Variants in LATS2 observed in about 807,000 individuals in gnomAD.
LATS2 encodes the protein serine/threonine-protein kinase LATS2.
In LATS2, 24 loss-of-function variants were observed where a neutral mutation model predicts 76.0. The ratio of observed to expected loss-of-function variants is 0.32; its 90% CI spans 0.23 to 0.44. The LOEUF is 0.44. LATS2 is among the 20% of genes least tolerant of loss of function. LATS2 has a pLI of 1.00. For missense variants in LATS2, 1,286 were observed against 1,481.2 expected, an observed-to-expected ratio of 0.87 and a Z score of 2.16; for synonymous variants, 692 against 635.4, an observed-to-expected ratio of 1.09 and a Z score of -1.34.
In LATS2 at chr13:20,983,437, G is replaced by A; in HGVS notation, c.2269C>T (p.Leu757=). 1 of 1,614,096 alleles carries A rather than the reference G, an allele frequency of 6.2e-7. No homozygotes were observed. The highest frequency in any genetic ancestry group is 8.5e-7 in the Non-Finnish European group (1 of 1,180,014). ...TCAGGGAAGACCTCCATCCGGATCA[G>A]CAGGCTCATCATGTCCCCACCAGGG... is the stretch of plus-strand genomic sequence containing the variant. ...YIPGGDMMSL[L]IRMEVFPEHL... Residue 757 remains leucine (L), a synonymous_variant, in exon 5 of 8, where the codon CTG becomes TTG. Transcript: ENST00000382592.
intron 2 of LATS2, among the ~76,000 whole-genome samples, chr13:21,020,828 G>C (rs1872027023): frequency 6.6e-6 from 1 of 152,194 alleles, no homozygotes. Context: ...CTCCATCCCT[G>C]CTGTCATGTG....
Position 21,010,197 on chromosome 13 carries a change from CAAAA to C in LATS2, c.343-18797_343-18794del, listed in dbSNP as rs1402091791. Among the ~76,000 whole-genome samples, 426 of 72,630 alleles carry C rather than the reference CAAAA, an allele frequency of 5.9e-3. 5 individuals carry two copies. The highest frequency in any genetic ancestry group is 0.018 in the African/African-American group (344 of 19,646). The allele number at this position is 72,630 out of a possible 152,430, so 47.6% of individuals were successfully genotyped here. A position where few individuals can be genotyped will look rare whatever the true frequency, so the allele number is the denominator to read the frequency against. On this transcript the variant is annotated intron_variant, in intron 2 of 7. Transcript: ENST00000382592. ...AGTAGGCCATGGAGCTAGACTCTGT[CAAAA>C]AAACAAACAAACAAACAAACAAAAA...
intron 2 of LATS2, among the ~76,000 whole-genome samples, chr13:21,013,023 T>G (rs1402442139): frequency 6.6e-6 from 1 of 152,162 alleles, no homozygotes; most frequent in Admixed American, 6.5e-5. Flanking sequence ...ATGTAATATT[T>G]CCTTCATTCA....
rs546630082 is a variant in LATS2, at chr13:21,024,682, C to T, written c.342+21003G>A. Among the ~76,000 whole-genome samples the T allele has an allele frequency of 8.8e-3, 677 of 77,036 alleles. 5 individuals are homozygous for T. Among genetic ancestry groups the T allele is most frequent in the African/African-American group, 0.032 (649 of 20,392 alleles). 50.5% of individuals were successfully genotyped at this position (77,036 alleles called of 152,430 possible). A position where few individuals can be genotyped will look rare whatever the true frequency, so the allele number is the denominator to read the frequency against. On this transcript the variant is annotated intron_variant, in intron 2 of 7. Transcript: ENST00000382592. The stretch of plus-strand genomic sequence containing the variant: ...ATGTGGAATTTTCCATTGTCTTATA[C>T]CCACATTAAAAAAAAAAAAAAAAGT...
At chr13:21,048,816 A>G (rs528540776) in intron 1 of LATS2, among the ~76,000 whole-genome samples, 1 of 152,224 alleles carries the variant, frequency 6.6e-6, no homozygotes, top group Non-Finnish European at 1.5e-5. Context: ...CAGCCTGGGC[A>G]ACAAGAGCGA....
In LATS2 at chr13:20,991,442, C is replaced by T; in HGVS notation, c.343-38G>A. On this transcript the variant is annotated intron_variant, in intron 2 of 7. Transcript: ENST00000382592. The surrounding 1 kb of genome is among the most constrained non-coding windows in gnomAD (Gnocchi z 4.9). ...TAAAGGAGAGGTAAGTGCATGTCATCCTAAAACAAAGCCACCAAAGACTCC... is the reference window on the plus strand; with the variant it reads ...TAAAGGAGAGGTAAGTGCATGTCATTCTAAAACAAAGCCACCAAAGACTCC... The T allele has an allele frequency of 6.2e-7, 1 of 1,612,986 alleles. No homozygotes were observed. Among genetic ancestry groups the T allele is most frequent in the Non-Finnish European group, 8.5e-7 (1 of 1,179,550 alleles).
intron 2 of LATS2, among the ~76,000 whole-genome samples, chr13:21,002,963 A>G (rs1871113607): frequency 6.6e-6 from 1 of 152,086 alleles, no homozygotes; most frequent in Admixed American, 6.6e-5. Flanking sequence ...TCAGCTTCCC[A>G]AAGTGTTGGG....
At position 21,024,575 on chromosome 13, in the gene LATS2, A is replaced by G. The variant is rs1392450522; in HGVS notation, c.342+21110T>C. 2.0e-5 allele frequency among the ~76,000 whole-genome samples: 3 copies of G among 151,928 alleles called. No homozygotes were observed. In the South Asian group the frequency reaches 6.2e-4, roughly 32 times the overall value. ...GGCCCTGCGGGAGCTCTTCCTGCATAGCGCCTCACGGATGACATCTCACTT... is the reference window on the plus strand; with the variant it reads ...GGCCCTGCGGGAGCTCTTCCTGCATGGCGCCTCACGGATGACATCTCACTT... On this transcript the variant is annotated intron_variant, in intron 2 of 7. Transcript: ENST00000382592.
Position 20,983,681 on chromosome 13 carries a change from C to T in LATS2, c.2025G>A (p.Gly675=). ...KSMFVKIKTL[G]IGAFGEVCLA... Reference sequence around the variant, plus strand: ...GGCACACTTCTCCAAAGGCACCGATCCCCAGGGTTTTGATCTTGACAAACA... The same window carrying T: ...GGCACACTTCTCCAAAGGCACCGATTCCCAGGGTTTTGATCTTGACAAACA... The change falls in exon 5 of 8, where the codon GGG becomes GGA. Residue 675 remains glycine (G), a synonymous_variant. Transcript: ENST00000382592. The T allele has an allele frequency of 6.2e-7, 1 of 1,614,120 alleles. No homozygotes were observed. Among genetic ancestry groups the T allele is most frequent in the South Asian group, 1.1e-5 (1 of 91,072 alleles).
intron 2 of LATS2, among the ~76,000 whole-genome samples, chr13:21,007,665 T>A (rs1348154475): frequency 0.012 from 67 of 5,630 alleles, 22 homozygotes; most frequent in African/African-American, 0.067. Context: ...ATATATATAG[T>A]GTGTATATAT....
At chr13:21,040,178 G>C (rs1464257562) in intron 2 of LATS2, among the ~76,000 whole-genome samples, 2 of 152,022 alleles carry the variant, frequency 1.3e-5, no homozygotes, top group Non-Finnish European at 2.9e-5. Flanking sequence ...CTTCAGACTA[G>C]GAGTTCAAGA....
chr13:21,040,235 A>G (rs1872821740), intron 2 of LATS2, among the ~76,000 whole-genome samples: 1 of 151,984 alleles, frequency 6.6e-6, no homozygotes, highest in Non-Finnish European at 1.5e-5. Flanking sequence ...AAAAATAGAA[A>G]AATTAGCCAG....
At chr13:20,995,280 T>C (rs536518557) in intron 2 of LATS2, among the ~76,000 whole-genome samples, 17 of 152,374 alleles carry the variant, frequency 1.1e-4, no homozygotes, top group African/African-American at 3.8e-4. Context: ...TTTTACTGTG[T>C]ATTCTTCTTA....
chr13:20,988,473 G>C lies in LATS2; in HGVS notation c.1307C>G (p.Thr436Arg). 6.5e-7 allele frequency: 1 copy of C among 1,540,176 alleles called. No individual in the cohort carries two copies. The highest frequency in any genetic ancestry group is 8.7e-7 in the Non-Finnish European group (1 of 1,150,328). ...CACCGGGTGCAAGATGTGCGCGGCC[G>C]TGACAGCCGTCACGGTGTTGGGGGC... Reference protein sequence around the residue: ...LPAPNTVTAVTAAHILHPVKS... With the variant: ...LPAPNTVTAVRAAHILHPVKS... The change falls in exon 4 of 8, where the codon ACG (threonine) becomes AGG (arginine). Residue 436 changes from threonine to arginine, a missense_variant. Thr to Arg is a moderately conservative substitution (Grantham distance 71, BLOSUM62 -1). Around this residue, in one of 5 missense-constraint regions of LATS2, gnomAD observed 710 missense variants for 660.9 expected, o/e 1.07. Transcript: ENST00000382592.
chr13:21,007,664 G>T (rs1489086962), intron 2 of LATS2, among the ~76,000 whole-genome samples: 67 of 4,772 alleles, frequency 0.014, 22 homozygotes, highest in African/African-American at 0.082. Context: ...TATATATATA[G>T]TGTGTATATA....
chr13:21,008,004 C>T (rs896777464), intron 2 of LATS2, among the ~76,000 whole-genome samples: 6 of 151,562 alleles, frequency 4.0e-5, no homozygotes, highest in South Asian at 2.1e-4. Flanking sequence ...AGTGATCCAC[C>T]GACCTCAGCC....
At chr13:21,029,284 G>A (rs9506595) in intron 2 of LATS2, among the ~76,000 whole-genome samples, 67,701 of 152,078 alleles carry the variant, frequency 0.45, 17,622 homozygotes, top group Non-Finnish European at 0.58. Flanking sequence ...GGTACAAATG[G>A]CTGGTGGATT....
Position 20,988,860 on chromosome 13 carries a change from G to A in LATS2, c.920C>T (p.Pro307Leu). 6.3e-7 allele frequency: 1 copy of A among 1,585,568 alleles called. No individual in the cohort carries two copies. The highest frequency in any genetic ancestry group is 8.5e-7 in the Non-Finnish European group (1 of 1,172,066). The change falls in exon 4 of 8, where the codon CCT becomes CTT. Residue 307 changes from proline (P) to leucine (L), a missense_variant. Transcript: ENST00000382592. ...PPGAGLAFPP[P>L]AAGLYVPHPH... ...GTGCGGCACGTAGAGCCCGGCGGCA[G>A]GGGGTGGGAAAGCGAGGCCGGCGCC... is the stretch of plus-strand genomic sequence containing the variant.
At position 20,989,277 on chromosome 13, in the gene LATS2, G is replaced by C; in HGVS notation, c.503C>G (p.Thr168Arg). Residue 168 changes from threonine to arginine, a missense_variant, in exon 4 of 8, where the codon ACG becomes AGG. Coordinates refer to ENST00000382592, the MANE Select transcript of LATS2 (RefSeq NM_014572.3). The stretch of plus-strand genomic sequence containing the variant: ...GGTTCCTTCGAAGCTGGGCCTCCGC[G>C]TCACTGGGGTTGGCATGAGCCCCTT... ...PGKGLMPTPV[T>R]RRPSFEGTGD... The C allele has an allele frequency of 1.2e-6, 2 of 1,613,952 alleles. No individual in the cohort carries two copies. Among genetic ancestry groups the C allele is most frequent in the Non-Finnish European group, 1.7e-6 (2 of 1,180,032 alleles).
Sources: gnomAD v4.1 joint callset for allele counts (sites outside exome capture counted in the v4.1 genomes callset) on GRCh38, gnomAD v4.1.1 for gene constraint, gnomAD v4.1.1 regional missense constraint, Gnocchi (gnomAD v3.1) non-coding constraint, MANE v1.5 for transcripts, NCBI Gene and HGNC (gene_info 2026-07-23, HGNC 2026-07-21) for gene names.